SLC12A1: variants seen among roughly 807,000 people sequenced by gnomAD.
The protein encoded by SLC12A1 is Na-K-2Cl cotransporter.
Under a neutral mutation model 130.4 loss-of-function variants are expected in SLC12A1, and 89 were observed. The observed-to-expected ratio is 0.68, with a 90% CI of 0.58 to 0.81. SLC12A1 has a LOEUF of 0.81. Among genes scored for constraint, SLC12A1 ranks in the 40% least tolerant of loss-of-function variants. The pLI is 0.00. For synonymous variants in SLC12A1, 499 were observed against 460.0 expected, an observed-to-expected ratio of 1.08 and a Z score of -1.09; for missense variants, 1,310 against 1,336.4, an observed-to-expected ratio of 0.98 and a Z score of 0.31.
Position 48,241,544 on chromosome 15 carries a change from C to G in SLC12A1, c.1245C>G (p.Thr415=), listed in dbSNP as rs188022180. The change falls in exon 10 of 27, where the codon ACC becomes ACG. Residue 415 remains threonine, a synonymous_variant. Transcript: ENST00000380993. The part of the protein sequence containing the change: ...EDPQDAIPRG[T]MLAIFITTVA... ...CCCAAGATGCCATCCCCAGAGGAAC[C>G]ATGCTGGCCATTTTCATCACCACTG... The G allele has an allele frequency of 5.0e-6, 8 of 1,613,806 alleles. No homozygotes were observed. The Admixed American group carries it at 5.0e-5, about 10-fold the overall frequency.
chr15:48,216,310 C>T (rs2041121096), intron 2 of SLC12A1, among the ~76,000 whole-genome samples: 1 of 152,148 alleles, frequency 6.6e-6, no homozygotes, highest in Non-Finnish European at 1.5e-5. Context: ...CCAGGAAGGG[C>T]ATCCATCAGG....
intron 17 of SLC12A1, among the ~76,000 whole-genome samples, chr15:48,261,107 A>G (rs1045107590): frequency 1.3e-5 from 2 of 152,156 alleles, no homozygotes; most frequent in Non-Finnish European, 2.9e-5. Context: ...GGTGGATTTC[A>G]TTTTGGCCAA....
In SLC12A1 at chr15:48,303,167, T is replaced by A. The variant is rs1159941958; in HGVS notation, c.*282T>A. Reference sequence around the variant, plus strand: ...GGAAACTCATGTTGGCTTATGCTCATGAAAACCACCAATGTGATTGTAAAC... The same window carrying A: ...GGAAACTCATGTTGGCTTATGCTCAAGAAAACCACCAATGTGATTGTAAAC... On this transcript the variant is annotated 3_prime_UTR_variant, in exon 27 of 27. Transcript: ENST00000380993. 1 of 262,804 alleles carries A rather than the reference T, an allele frequency of 3.8e-6. No homozygotes were observed. The highest frequency in any genetic ancestry group is 7.1e-6 in the Non-Finnish European group (1 of 140,444). The allele number at this position is 262,804 out of a possible 1,614,324, so 16.3% of individuals were successfully genotyped here. A position where few individuals can be genotyped will look rare whatever the true frequency, so the allele number is the denominator to read the frequency against.
At chr15:48,302,570 A>C (rs1472121547) in intron 26 of SLC12A1, among the ~76,000 whole-genome samples, 180 bp from the exon 27 acceptor site, 7 of 121,550 alleles carry the variant, frequency 5.8e-5, no homozygotes, top group Non-Finnish European at 1.1e-4. Context: ...CAGTGAGCCG[A>C]GATTGTGCCA....
intron 19 of SLC12A1, among the ~76,000 whole-genome samples, chr15:48,273,432 C>A (rs2041919050): frequency 6.6e-6 from 1 of 152,166 alleles, no homozygotes. Flanking sequence ...AAGTCCTTAA[C>A]CTAATCACAT....
At chr15:48,279,522 A>C (rs1183014187) in intron 20 of SLC12A1, among the ~76,000 whole-genome samples, 3 of 152,234 alleles carry the variant, frequency 2.0e-5, no homozygotes, top group African/African-American at 7.2e-5. Flanking sequence ...TATAAATAAG[A>C]TCGATGCTCA....
chr15:48,275,322 G>GA (rs1444026837), intron 20 of SLC12A1, among the ~76,000 whole-genome samples: 2 of 152,130 alleles, frequency 1.3e-5, no homozygotes, highest in African/African-American at 4.8e-5. Flanking sequence ...ACAACATTAA[G>GA]AAAAAACAAT....
At position 48,251,652 on chromosome 15, in the gene SLC12A1, ATC is replaced by A; in HGVS notation, c.1828_1829del (p.Leu610PhefsTer25). 6.2e-7 allele frequency: 1 copy of A among 1,613,770 alleles called. No individual in the cohort carries two copies. Among genetic ancestry groups the A allele is most frequent in the Non-Finnish European group, 8.5e-7 (1 of 1,179,712 alleles). Reference sequence around the variant, plus strand: ...CGTATGGAATTTACAACATGTGGGTATCTCTTTTTGGAGCTGTTTTGTGCTGT... The same window carrying A: ...CGTATGGAATTTACAACATGTGGGTATCTTTTTGGAGCTGTTTTGTGCTGT... ...PAYGIYNMWV[S>X]LFGAVLCCAV... On this transcript the variant is annotated frameshift_variant, in exon 15 of 27. Transcript: ENST00000380993. LOFTEE classifies it high-confidence loss of function.
In SLC12A1 at chr15:48,285,255, A is replaced by T. The variant is rs1294384375; in HGVS notation, c.2629+6A>T. On this transcript the variant is annotated splice_donor_region_variant and intron_variant, in intron 21 of 26. Coordinates refer to ENST00000380993, the MANE Select transcript of SLC12A1 (RefSeq NM_000338.3). The stretch of plus-strand genomic sequence containing the variant: ...TAAGACAACGCCTAAAAAAGGTAAG[A>T]ACTTTTTAAAATTTGCAAAAAAGTT... The T allele has an allele frequency of 6.2e-7, 1 of 1,612,974 alleles. No homozygotes were observed. Among genetic ancestry groups the T allele is most frequent in the Non-Finnish European group, 8.5e-7 (1 of 1,179,640 alleles).
rs369360382 is a variant in SLC12A1, at chr15:48,301,282, A to G, written c.3097-33A>G. ...AATTCTCATTCATAATTCTGGTAGA[A>G]CTGTACTCAACAAATCTGAATGTTG... On this transcript the variant is annotated intron_variant, in intron 25 of 26. Transcript: ENST00000380993. 3.1e-5 allele frequency: 45 copies of G among 1,459,086 alleles called. No homozygotes were observed. In the African/African-American group the frequency reaches 6.0e-4, roughly 19 times the overall value. 90.4% of individuals were successfully genotyped at this position (1,459,086 alleles called of 1,614,324 possible). A position where few individuals can be genotyped will look rare whatever the true frequency, so the allele number is the denominator to read the frequency against.
rs2041871219 is a variant in SLC12A1, at chr15:48,269,649, T to C, written c.2296-9T>C. 2.6e-6 allele frequency: 4 copies of C among 1,553,748 alleles called. No individual in the cohort carries two copies. Among genetic ancestry groups the C allele is most frequent in the Non-Finnish European group, 3.5e-6 (4 of 1,126,878 alleles). ...AAGGATTGCCCACATTTTTATGTCC[T>C]CTGTTTAGGCCTCAGGCTTAGGAAG... On this transcript the variant is annotated splice_polypyrimidine_tract_variant and intron_variant, in intron 18 of 26. Transcript: ENST00000380993.
At chr15:48,232,020 A>T (rs1258532026) in intron 7 of SLC12A1, among the ~76,000 whole-genome samples, 1 of 152,220 alleles carries the variant, frequency 6.6e-6, no homozygotes, top group Non-Finnish European at 1.5e-5. Flanking sequence ...TGGGAAAACA[A>T]AATAAAATAA....
At chr15:48,269,878 C>T (rs1359468158) in intron 19 of SLC12A1, 114 bp downstream of exon 19, 2 of 532,946 alleles carry the variant, frequency 3.8e-6, no homozygotes, top group Non-Finnish European at 6.8e-6. Flanking sequence ...GAGAAGAGTA[C>T]ATTCCCCTGG....
chr15:48,225,291 G>A (rs887321691), intron 4 of SLC12A1: 3 of 152,090 alleles, frequency 2.0e-5, no homozygotes, highest in Non-Finnish European at 4.4e-5. Flanking sequence ...TTGCTATACT[G>A]TATGTAGTTC....
intron 2 of SLC12A1, among the ~76,000 whole-genome samples, chr15:48,219,887 T>C (rs1212332596): frequency 1.3e-5 from 2 of 151,790 alleles, no homozygotes; most frequent in East Asian, 3.9e-4. Context: ...AGTCTGTCTC[T>C]ACAAAAAATA....
chr15:48,291,130 T>C (rs537037177), intron 23 of SLC12A1, among the ~76,000 whole-genome samples: 1 of 151,902 alleles, frequency 6.6e-6, no homozygotes, highest in East Asian at 1.9e-4. Flanking sequence ...AAGAAAATGG[T>C]AAATCAAACG....
chr15:48,247,681 G>A (rs531364725), intron 13 of SLC12A1, among the ~76,000 whole-genome samples: 20 of 152,258 alleles, frequency 1.3e-4, no homozygotes, highest in African/African-American at 4.3e-4. Context: ...TTGAGTGTTC[G>A]AAATCCATCC....
At position 48,230,404 on chromosome 15, in the gene SLC12A1, G is replaced by T; in HGVS notation, c.876G>T (p.Ser292=). ...TVVDLLKESD[S]MMVDPTNDIR... ...ATTTGTTTCCCCAGGAGAGTGATTCGATGATGGTGGATCCAACCAATGACA... is the reference window on the plus strand; with the variant it reads ...ATTTGTTTCCCCAGGAGAGTGATTCTATGATGGTGGATCCAACCAATGACA... Residue 292 remains serine, a synonymous_variant, in exon 7 of 27, where the codon TCG becomes TCT. Transcript: ENST00000380993. The T allele has an allele frequency of 6.2e-7, 1 of 1,609,846 alleles. No individual in the cohort carries two copies. The highest frequency in any genetic ancestry group is 8.5e-7 in the Non-Finnish European group (1 of 1,177,436).
intron 19 of SLC12A1, among the ~76,000 whole-genome samples, chr15:48,270,268 G>C (rs1012214609): frequency 2.0e-5 from 3 of 151,984 alleles, no homozygotes; most frequent in African/African-American, 7.3e-5. Flanking sequence ...AGTTTCCGGT[G>C]GTACATAACC....
Sources: allele counts gnomAD v4.1 joint callset (sites outside exome capture counted in the v4.1 genomes callset), GRCh38; gene constraint gnomAD v4.1.1; transcripts MANE v1.5; gene names NCBI Gene and HGNC (gene_info 2026-07-23, HGNC 2026-07-21).